The following AZIN1 variants were observed in gnomAD, a reference collection of about 807,000 sequenced individuals.
The protein encoded by AZIN1 is ornithine decarboxylase antizyme inhibitor.
In AZIN1, 12 loss-of-function variants were observed where a neutral mutation model predicts 47.4. The ratio of observed to expected loss-of-function variants is 0.25; its 90% confidence interval spans 0.16 to 0.41. AZIN1 has a LOEUF of 0.41. Ranked by LOEUF, AZIN1 falls within the 10% of genes least tolerant of loss-of-function variation. The probability of loss-of-function intolerance (pLI) is 1.00; values close to 1 mark genes in which losing one functional copy is unlikely to be tolerated. For synonymous variants in AZIN1, 155 were observed against 176.3 expected (o/e 0.88, Z 0.96); for missense variants, 410 against 532.4 (o/e 0.77, Z 2.26).
At chr8:102,834,148 A>G in intron 8 of AZIN1, 41 bp downstream of exon 8, 1 of 1,533,610 alleles carries the variant, frequency 6.5e-7, no homozygotes, top group Non-Finnish European at 9.0e-7. Context: ...AGTAACAAAG[A>G]AAGCAATTAT....
At chr8:102,834,570 A>C in intron 7 of AZIN1, 96 bp downstream of exon 7, 1 of 897,134 alleles carries the variant, frequency 1.1e-6, no homozygotes, top group South Asian at 1.6e-5. Flanking sequence ...CGTTGAATGT[A>C]GTCAGAGTAA....
At chr8:102,841,309 C>T (rs1364386912) in intron 3 of AZIN1, among the ~76,000 whole-genome samples, 2 of 152,100 alleles carry the variant, frequency 1.3e-5, no homozygotes, top group South Asian at 2.1e-4. Context: ...TTAGAGAACA[C>T]AGAAGTGTCA....
At chr8:102,862,755 CAG>C (rs928858132) in intron 1 of AZIN1, among the ~76,000 whole-genome samples, 5 of 152,184 alleles carry the variant, frequency 3.3e-5, no homozygotes, top group African/African-American at 7.2e-5. Flanking sequence ...CGACGGGACA[CAG>C]AACTAATATA....
In AZIN1 at chr8:102,843,621, G is replaced by A; in HGVS notation, c.32C>T (p.Ser11Phe). 6.2e-7 allele frequency: 1 copy of A among 1,614,000 alleles called. No individual in the cohort carries two copies. The change falls in exon 3 of 12, where the codon TCC becomes TTC. Residue 11 changes from serine (S) to phenylalanine (F), a missense_variant. Around this residue, in one of 3 missense-constraint regions of AZIN1, gnomAD observed 237 missense variants for 309.4 expected, o/e 0.77. Transcript: ENST00000337198. ...TGTTCCTTCATCCAACAGGCCAACG[G>A]AGTAGTTTGCATCATCAATAAATCC... The part of the protein sequence containing the change: MKGFIDDANY[S>F]VGLLDEGTNL...
intron 11 of AZIN1, 63 bp from the exon 12 acceptor site, chr8:102,828,741 C>T (rs2131185049): frequency 1.0e-6 from 1 of 978,146 alleles, no homozygotes; most frequent in East Asian, 2.5e-5. Flanking sequence ...AATCACATAA[C>T]AAATGGATAA....
At chr8:102,844,217 A>G (rs999742485) in intron 2 of AZIN1, among the ~76,000 whole-genome samples, 1 of 152,230 alleles carries the variant, frequency 6.6e-6, no homozygotes, top group Non-Finnish European at 1.5e-5. Flanking sequence ...CTTATAAATA[A>G]AAGTCCTGGC....
chr8:102,834,384 G>A (rs1430833088), intron 7 of AZIN1, 121 bp from the exon 8 acceptor site: 1 of 761,866 alleles, frequency 1.3e-6, no homozygotes, highest in Admixed American at 2.8e-5. Flanking sequence ...GCAAATTCTT[G>A]GTTTTTTACT....
chr8:102,858,144 G>A lies in AZIN1; in HGVS notation c.-227C>T. 1 of 398,922 alleles carries A rather than the reference G, an allele frequency of 2.5e-6. No homozygotes were observed. The highest frequency in any genetic ancestry group is 4.4e-6 in the Non-Finnish European group (1 of 225,988). The allele number at this position is 398,922 out of a possible 1,614,324, so 24.7% of individuals were successfully genotyped here. ...GGGTAGTTGTATACTTGGTCAGAAA[G>A]TTCGCCCTAAAAGAAGGAAATAAAA... On this transcript the variant is annotated 5_prime_UTR_variant, in exon 2 of 12. Transcript: ENST00000337198.
chr8:102,831,218 A>G (rs1811435416), intron 9 of AZIN1, among the ~76,000 whole-genome samples: 1 of 152,164 alleles, frequency 6.6e-6, no homozygotes, highest in Non-Finnish European at 1.5e-5. Flanking sequence ...AACAGATTAT[A>G]TAAACCTATT....
intron 8 of AZIN1, among the ~76,000 whole-genome samples, chr8:102,833,744 A>C (rs28664674): frequency 0.082 from 10,616 of 129,242 alleles, 1,293 homozygotes; most frequent in African/African-American, 0.27. Context: ...GGCAATATAG[A>C]AAGACTCAAT....
At chr8:102,860,587 T>C (rs1291808853) in intron 1 of AZIN1, among the ~76,000 whole-genome samples, 3 of 152,154 alleles carry the variant, frequency 2.0e-5, no homozygotes, top group Non-Finnish European at 2.9e-5. Flanking sequence ...AAAAATAAAA[T>C]AGGAATTCAA....
At chr8:102,832,247 C>A (rs1233060273) in intron 9 of AZIN1, among the ~76,000 whole-genome samples, 1 of 151,590 alleles carries the variant, frequency 6.6e-6, no homozygotes, top group African/African-American at 2.4e-5. Flanking sequence ...CAAGGAAAAA[C>A]AAAGCTGTAA....
intron 2 of AZIN1, among the ~76,000 whole-genome samples, chr8:102,845,472 T>G (rs1401384327): frequency 1.3e-5 from 2 of 152,182 alleles, no homozygotes; most frequent in Non-Finnish European, 2.9e-5. Context: ...ACCTGTGCAG[T>G]GACGTCAAAT....
chr8:102,840,336 C>T (rs926888347), intron 3 of AZIN1, among the ~76,000 whole-genome samples: 3 of 151,988 alleles, frequency 2.0e-5, no homozygotes, highest in African/African-American at 7.3e-5. Flanking sequence ...CACTGGGAAA[C>T]CTCTTATTTT....
Position 102,826,856 on chromosome 8 carries a change from T to C in AZIN1, c.*1711A>G, listed in dbSNP as rs185243020. 7 of 152,674 alleles carry C rather than the reference T, an allele frequency of 4.6e-5. No homozygotes were observed. Among genetic ancestry groups the C allele is most frequent in the African/African-American group, 1.7e-4 (7 of 41,538 alleles). The allele number at this position is 152,674 out of a possible 1,614,324, so 9.5% of individuals were successfully genotyped here. On this transcript the variant is annotated 3_prime_UTR_variant, in exon 12 of 12. Coordinates refer to ENST00000337198, the MANE Select transcript of AZIN1 (RefSeq NM_148174.4). ...AAAAAGTTACATGGTAGCTTGGAAT[T>C]TTGCATAAAACCCCATAATATACCT...
Position 102,828,590 on chromosome 8 carries a change from C to CT in AZIN1, c.1323dup (p.Asp442ArgfsTer6). 6.2e-7 allele frequency: 1 copy of CT among 1,609,606 alleles called. No individual in the cohort carries two copies. Among genetic ancestry groups the CT allele is most frequent in the Non-Finnish European group, 8.5e-7 (1 of 1,176,574 alleles). ...GTTTAAGCTTCAGCGGAAAAGCTGT[C>CT]TTCTTGGCTCAGCTGAATGCAAGAA... is the stretch of plus-strand genomic sequence containing the variant. On this transcript the variant is annotated frameshift_variant, in exon 12 of 12. Transcript: ENST00000337198. LOFTEE classifies it high-confidence loss of function.
rs1812370897 is a variant in AZIN1, at chr8:102,843,691, G to A, written c.-39C>T. ...CACAAAGCCGAAAGTCATAAACCAG[G>A]AAAGACAAGAGACGGGCCACCAAGC... On this transcript the variant is annotated 5_prime_UTR_variant, in exon 3 of 12. Coordinates refer to ENST00000337198, the MANE Select transcript of AZIN1 (RefSeq NM_148174.4). 2 of 1,612,118 alleles carry A rather than the reference G, an allele frequency of 1.2e-6. No individual in the cohort carries two copies. Among genetic ancestry groups the A allele is most frequent in the Non-Finnish European group, 1.7e-6 (2 of 1,179,224 alleles).
intron 2 of AZIN1, among the ~76,000 whole-genome samples, chr8:102,855,145 C>T (rs906220081): frequency 3.3e-5 from 5 of 152,174 alleles, no homozygotes; most frequent in African/African-American, 1.2e-4. Context: ...GCCTCCGCCT[C>T]CCAGATTCAA....
At chr8:102,856,877 T>C (rs1813327612) in intron 2 of AZIN1, among the ~76,000 whole-genome samples, 1 of 152,178 alleles carries the variant, frequency 6.6e-6, no homozygotes, top group Non-Finnish European at 1.5e-5. Context: ...CAGGTTTGGG[T>C]GAGGCTGAGA....
Sources: gnomAD v4.1 joint callset for allele counts (sites outside exome capture counted in the v4.1 genomes callset) on GRCh38, gnomAD v4.1.1 for gene constraint, gnomAD v4.1.1 regional missense constraint, MANE v1.5 for transcripts, NCBI Gene and HGNC (gene_info 2026-07-23, HGNC 2026-07-21) for gene names.